Variants in ASXL1 observed in about 807,000 individuals in gnomAD.
ASXL1 encodes the protein polycomb group protein ASXL1.
ASXL1 carries 65 observed loss-of-function variants against 89.1 expected under a neutral mutation model. The ratio of observed to expected loss-of-function variants is 0.73; its 90% CI spans 0.60 to 0.90. The LOEUF is 0.90. Ranked by LOEUF, ASXL1 falls within the 40% of genes least tolerant of loss-of-function variation. The pLI is 0.00. For missense variants in ASXL1, 1,786 were observed against 1,942.9 expected (o/e 0.92, Z 1.52); for synonymous variants, 739 against 746.9 (o/e 0.99, Z 0.17).
chr20:32,412,644 G>A (rs1029503758), intron 4 of ASXL1, among the ~76,000 whole-genome samples: 4 of 142,830 alleles, frequency 2.8e-5, no homozygotes, highest in African/African-American at 1.0e-4. Context: ...CTCCCAGGCT[G>A]GAGGGCAATG....
At chr20:32,406,767 T>C (rs1385327696) in intron 4 of ASXL1, among the ~76,000 whole-genome samples, 1 of 152,126 alleles carries the variant, frequency 6.6e-6, no homozygotes, top group Non-Finnish European at 1.5e-5. Context: ...CCGCGTGGGC[T>C]TCAATACTCT....
At chr20:32,361,119 T>G (rs1444706028) in intron 1 of ASXL1, among the ~76,000 whole-genome samples, 1 of 152,016 alleles carries the variant, frequency 6.6e-6, no homozygotes, top group African/African-American at 2.4e-5. Flanking sequence ...GAGTCTGAGG[T>G]GGAATAATCA....
rs561374294 is a variant in ASXL1, at chr20:32,433,711, G to C, written c.1513G>C (p.Asp505His). The C allele has an allele frequency of 1.2e-6, 2 of 1,612,922 alleles. No individual in the cohort carries two copies. The highest frequency in any genetic ancestry group is 1.3e-5 in the African/African-American group (1 of 74,954). The change falls in exon 12 of 13, where the codon GAC (aspartate) becomes CAC (histidine). Residue 505 changes from aspartate to histidine, a missense_variant. Asp to His is a moderately conservative substitution (Grantham distance 81, BLOSUM62 -1). Around this residue, in one of 3 missense-constraint regions of ASXL1, gnomAD observed 1,418 missense variants for 1,427.8 expected, o/e 0.99. Transcript: ENST00000375687. ...CTTGGCACGTGCCTCTGCATCTCCAGACAGAATTCCTAGCCTGCCTCAGGA... is the reference window on the plus strand; with the variant it reads ...CTTGGCACGTGCCTCTGCATCTCCACACAGAATTCCTAGCCTGCCTCAGGA... ...DNLARASASPDRIPSLPQETV... is the reference protein window; with the variant it reads ...DNLARASASPHRIPSLPQETV...
rs543106431 is a variant in ASXL1, at chr20:32,404,593, G to C, written c.253-23535G>C. On this transcript the variant is annotated intron_variant, in intron 4 of 12. Coordinates refer to ENST00000375687, the MANE Select transcript of ASXL1 (RefSeq NM_015338.6). ...CATCATATCATCTGTTAATAGGGCC[G>C]GTTTAATATATTCCTTTCTGATATG... Among the ~76,000 whole-genome samples the C allele has an allele frequency of 7.2e-5, 11 of 152,112 alleles. No individual in the cohort carries two copies. The South Asian group carries it at 1.9e-3, about 26-fold the overall frequency.
chr20:32,402,777 G>C (rs1359615071), intron 4 of ASXL1, among the ~76,000 whole-genome samples: 1 of 152,132 alleles, frequency 6.6e-6, no homozygotes, highest in Non-Finnish European at 1.5e-5. Context: ...TTATGTTCAA[G>C]ACTTTTCTAT....
intron 4 of ASXL1, among the ~76,000 whole-genome samples, chr20:32,389,000 CTATTTTATT>C (rs140802598): frequency 0.021 from 3,129 of 151,576 alleles, 51 homozygotes; most frequent in Middle Eastern, 0.038. Context: ...CTTTTACACT[CTATTTTATT>C]TATTTATTTT....
At chr20:32,363,929 G>T (rs2048163849) in intron 1 of ASXL1, among the ~76,000 whole-genome samples, 1 of 152,214 alleles carries the variant, frequency 6.6e-6, no homozygotes, top group Non-Finnish European at 1.5e-5. Context: ...AGACCAGATT[G>T]TGAGGGTTCC....
intron 4 of ASXL1, among the ~76,000 whole-genome samples, chr20:32,416,595 A>G (rs1569301834): frequency 6.6e-6 from 1 of 152,228 alleles, no homozygotes; most frequent in Non-Finnish European, 1.5e-5. Flanking sequence ...GTCCCCTGCT[A>G]TGAATATGTG....
At chr20:32,425,913 CAGG>C (rs2011266229) in intron 4 of ASXL1, among the ~76,000 whole-genome samples, 2 of 152,192 alleles carry the variant, frequency 1.3e-5, no homozygotes, top group Non-Finnish European at 2.9e-5. Flanking sequence ...CCATGTTGAC[CAGG>C]CTTGTCTTGA....
intron 4 of ASXL1, among the ~76,000 whole-genome samples, chr20:32,395,765 T>C (rs958785492): frequency 6.6e-6 from 1 of 152,172 alleles, no homozygotes; most frequent in Admixed American, 6.6e-5. Context: ...CTGTTACTCT[T>C]ATCCAGAATT....
chr20:32,401,544 G>T (rs6057571), intron 4 of ASXL1, among the ~76,000 whole-genome samples: 14,376 of 67,978 alleles, frequency 0.21, 993 homozygotes, highest in Non-Finnish European at 0.33. Context: ...GTGTGTGTGT[G>T]TTTTTTCCCC....
rs1280682253 is a variant in ASXL1, at chr20:32,439,106, T to C, written c.*1768T>C. 4.3e-6 allele frequency: 1 copy of C among 233,514 alleles called. No individual in the cohort carries two copies. The highest frequency in any genetic ancestry group is 5.6e-5 in the Admixed American group (1 of 17,780). 14.5% of individuals were successfully genotyped at this position (233,514 alleles called of 1,614,324 possible). A position where few individuals can be genotyped will look rare whatever the true frequency, so the allele number is the denominator to read the frequency against. ...GATGTGGTGATTTAGAATGCAGTAT[T>C]GGCCAAGTCCAAGTTGTCAACTTAA... On this transcript the variant is annotated 3_prime_UTR_variant, in exon 13 of 13. Coordinates refer to ENST00000375687, the MANE Select transcript of ASXL1 (RefSeq NM_015338.6).
At position 32,434,771 on chromosome 20, in the gene ASXL1, T is replaced by C. The variant is rs140197482; in HGVS notation, c.2059T>C (p.Cys687Arg). 279 of 1,613,710 alleles carry C rather than the reference T, an allele frequency of 1.7e-4. 1 individual carries two copies. The African/African-American group carries it at 2.3e-3, about 13-fold the overall frequency. Reference protein sequence around the residue: ...PRGGPSTPGKCTSDLQRTQLL... With the variant: ...PRGGPSTPGKRTSDLQRTQLL... ...GGGAGGCCCGAGCACCCCTGGAAAG[T>C]GTACGTCAGATCTACAGCGAACACA... The change falls in exon 13 of 13, where the codon TGT (cysteine) becomes CGT (arginine). Residue 687 changes from cysteine to arginine, a missense_variant. By Grantham distance (180) the Cys-to-Arg change is radical. Around this residue, in one of 3 missense-constraint regions of ASXL1, gnomAD observed 1,418 missense variants for 1,427.8 expected, o/e 0.99. Transcript: ENST00000375687.
chr20:32,376,097 A>G (rs982656053), intron 4 of ASXL1, among the ~76,000 whole-genome samples: 8 of 152,138 alleles, frequency 5.3e-5, no homozygotes, highest in Non-Finnish European at 8.8e-5. Context: ...AGTCATGTCT[A>G]CTGTTCCAGG....
chr20:32,426,541 C>CTTTTTTTTTTTTTTTGTTTTTTTT (rs1014372390), intron 4 of ASXL1, among the ~76,000 whole-genome samples: 1 of 92,564 alleles, frequency 1.1e-5, no homozygotes. Flanking sequence ...AAACTGTTTT[C>CTTTTTTTTTTTTTTTGTTTTTTTT]TTTTTTTTCT....
chr20:32,418,809 CTTTTTTTTTTTTTTTTTTTTTTTTTTTT>C (rs71338437), intron 4 of ASXL1, among the ~76,000 whole-genome samples: 6 of 55,698 alleles, frequency 1.1e-4, no homozygotes, highest in Admixed American at 9.5e-4. Flanking sequence ...GAATTGACAT[CTTTTTTTTTTTTTTTTTTTTTTTTTTTT>C]TTTTTTTTTT....
At chr20:32,416,087 T>C (rs1225594154) in intron 4 of ASXL1, among the ~76,000 whole-genome samples, 1 of 152,180 alleles carries the variant, frequency 6.6e-6, no homozygotes, top group African/African-American at 2.4e-5. Flanking sequence ...AAAATTGAGA[T>C]ATAATAGTTA....
In ASXL1 at chr20:32,436,661, C is replaced by A. The variant is rs560866003; in HGVS notation, c.3949C>A (p.Pro1317Thr). ...GAATGTGGCTGCAACCCTTCAGCGCCCCAGGCCTGCGGACCCGATGCCTCT... is the reference window on the plus strand; with the variant it reads ...GAATGTGGCTGCAACCCTTCAGCGCACCAGGCCTGCGGACCCGATGCCTCT... The part of the protein sequence containing the change: ...SGNVAATLQR[P>T]RPADPMPLPA... Residue 1317 changes from proline (P) to threonine (T), a missense_variant, in exon 13 of 13, where the codon CCC becomes ACC. Physicochemically the swap from Pro to Thr is conservative, Grantham distance 38. Around this residue, in one of 3 missense-constraint regions of ASXL1, gnomAD observed 1,418 missense variants for 1,427.8 expected, o/e 0.99. Transcript: ENST00000375687. The A allele has an allele frequency of 8.7e-6, 14 of 1,614,038 alleles. No homozygotes were observed. The highest frequency in any genetic ancestry group is 5.3e-5 in the African/African-American group (4 of 75,052).
Position 32,434,939 on chromosome 20 carries a change from C to G in ASXL1, c.2227C>G (p.Leu743Val). The G allele has an allele frequency of 6.2e-7, 1 of 1,614,160 alleles. No homozygotes were observed. The highest frequency in any genetic ancestry group is 8.5e-7 in the Non-Finnish European group (1 of 1,180,010). The part of the protein sequence containing the change: ...QRATVGLTDG[L>V]GDASQLPVAP... ...GGCTACAGTTGGACTCACAGATGGGCTAGGAGATGCCTCCCAACTCCCCGT... is the reference window on the plus strand; with the variant it reads ...GGCTACAGTTGGACTCACAGATGGGGTAGGAGATGCCTCCCAACTCCCCGT... Residue 743 changes from leucine (L) to valine (V), a missense_variant, in exon 13 of 13, where the codon CTA becomes GTA. Leu to Val is a conservative substitution (Grantham distance 32). Coordinates refer to ENST00000375687, the MANE Select transcript of ASXL1 (RefSeq NM_015338.6).
Sources: allele counts gnomAD v4.1 joint callset (sites outside exome capture counted in the v4.1 genomes callset), GRCh38; gene constraint gnomAD v4.1.1; regional missense constraint gnomAD v4.1.1; transcripts MANE v1.5; gene names NCBI Gene and HGNC (gene_info 2026-07-23, HGNC 2026-07-21).